Variants in NPLOC4 observed in about 807,000 individuals in gnomAD.
The protein encoded by NPLOC4 is NPL4 homolog, ubiquitin recognition factor, also known as nuclear protein localization protein 4 homolog.
Under a neutral mutation model 80.6 loss-of-function variants are expected in NPLOC4, and 18 were observed. The observed-to-expected ratio is 0.22, with a 90% CI of 0.15 to 0.33. The LOEUF (loss-of-function observed/expected upper bound fraction) is 0.33. NPLOC4 is among the 10% of genes least tolerant of loss of function. NPLOC4 has a pLI of 1.00. For missense variants in NPLOC4, 540 were observed against 786.1 expected, an observed-to-expected ratio of 0.69 and a Z score of 3.74; for synonymous variants, 313 against 301.5, an observed-to-expected ratio of 1.04 and a Z score of -0.39.
chr17:81,578,836 TA>T (rs1449340811), intron 12 of NPLOC4, among the ~76,000 whole-genome samples: 2 of 152,216 alleles, frequency 1.3e-5, no homozygotes, highest in African/African-American at 4.8e-5. Flanking sequence ...CAAAGGGTGC[TA>T]GGGGGCGTCC....
intron 1 of NPLOC4, among the ~76,000 whole-genome samples, chr17:81,634,059 G>A (rs904692062): frequency 3.3e-5 from 5 of 150,858 alleles, no homozygotes; most frequent in Non-Finnish European, 7.4e-5. Flanking sequence ...TTTAGTAGAC[G>A]TGGGGTTTCA....
At chr17:81,586,839 A>G (rs1164190565) in intron 12 of NPLOC4, among the ~76,000 whole-genome samples, 1 of 152,266 alleles carries the variant, frequency 6.6e-6, no homozygotes, top group Non-Finnish European at 1.5e-5. Flanking sequence ...GGAAGGATCA[A>G]CAATAGACGA....
chr17:81,565,658 G>C (rs1160621208), intron 15 of NPLOC4, 51 bp from the exon 16 acceptor site: 4 of 1,368,480 alleles, frequency 2.9e-6, no homozygotes, highest in Non-Finnish European at 4.0e-6. Flanking sequence ...AAGGTGAGCA[G>C]CTTCCTGCTA....
At chr17:81,591,879 C>T (rs900802562) in intron 11 of NPLOC4, among the ~76,000 whole-genome samples, 13 of 152,318 alleles carry the variant, frequency 8.5e-5, no homozygotes, top group East Asian at 5.8e-4. Context: ...AGATCCCCAG[C>T]AAGTAATTTT....
At chr17:81,635,590 C>T (rs985498976) in intron 1 of NPLOC4, among the ~76,000 whole-genome samples, 2 of 152,078 alleles carry the variant, frequency 1.3e-5, no homozygotes, top group Non-Finnish European at 2.9e-5. Context: ...AGTCCAGTGA[C>T]GCCACCTAGG....
intron 1 of NPLOC4, among the ~76,000 whole-genome samples, chr17:81,634,025 G>A (rs1195424335): frequency 3.3e-5 from 5 of 151,114 alleles, no homozygotes; most frequent in Non-Finnish European, 5.9e-5. Flanking sequence ...CACCACGCCC[G>A]GTTAATTTTT....
chr17:81,611,678 G>C (rs2035343457), intron 4 of NPLOC4, among the ~76,000 whole-genome samples: 1 of 151,862 alleles, frequency 6.6e-6, no homozygotes, highest in Non-Finnish European at 1.5e-5. Flanking sequence ...GTGTTAAATA[G>C]GCCAGGTGTG....
chr17:81,609,510 A>G (rs2035288218), intron 5 of NPLOC4, among the ~76,000 whole-genome samples: 1 of 152,080 alleles, frequency 6.6e-6, no homozygotes, highest in Admixed American at 6.6e-5. Context: ...GTATACAAAA[A>G]AAGAGTTGCC....
chr17:81,606,560 A>G (rs1399800853), intron 7 of NPLOC4, 131 bp downstream of exon 7: 2 of 939,200 alleles, frequency 2.1e-6, no homozygotes, highest in Non-Finnish European at 3.1e-6. Flanking sequence ...CAAAAGGATC[A>G]TTCAGTCCAT....
At chr17:81,593,950 G>GCACT (rs1568138298) in intron 11 of NPLOC4, among the ~76,000 whole-genome samples, 1 of 151,918 alleles carries the variant, frequency 6.6e-6, no homozygotes, top group African/African-American at 2.4e-5. Context: ...CTTCCCTTAA[G>GCACT]CACTCAACCC....
At chr17:81,576,648 TG>T (rs2034310664) in intron 12 of NPLOC4, among the ~76,000 whole-genome samples, 3 of 152,146 alleles carry the variant, frequency 2.0e-5, no homozygotes, top group African/African-American at 7.2e-5. Flanking sequence ...AACGAAAACC[TG>T]GCGTGTGTTT....
chr17:81,583,885 C>CA (rs908865382), intron 12 of NPLOC4, among the ~76,000 whole-genome samples: 7 of 151,966 alleles, frequency 4.6e-5, no homozygotes, highest in Admixed American at 4.6e-4. Flanking sequence ...AAGAAAATAA[C>CA]AAAAAAAATT....
intron 2 of NPLOC4, among the ~76,000 whole-genome samples, chr17:81,623,027 T>A (rs2035706247): frequency 6.6e-6 from 1 of 151,660 alleles, no homozygotes; most frequent in South Asian, 2.1e-4. Flanking sequence ...AATCCCCGTT[T>A]CTACTAAAAC....
At chr17:81,618,171 G>A (rs2035553758) in intron 3 of NPLOC4, among the ~76,000 whole-genome samples, 1 of 151,258 alleles carries the variant, frequency 6.6e-6, no homozygotes, top group Non-Finnish European at 1.5e-5. Flanking sequence ...TGGAAAGTGA[G>A]GAGCGTCTCT....
In NPLOC4 at chr17:81,567,366, T is replaced by C; in HGVS notation, c.1566+51A>G. ...AAAGAAAGCAAGACACAGGCGTCTC[T>C]TTGCAGCCAAAGCCCACTTGCTCAA... On this transcript the variant is annotated intron_variant, in intron 15 of 16. Coordinates refer to ENST00000331134, the MANE Select transcript of NPLOC4 (RefSeq NM_017921.4). The surrounding 1 kb of genome is among the most constrained non-coding windows in gnomAD (Gnocchi z 4.5). The C allele has an allele frequency of 1.8e-6, 2 of 1,138,658 alleles. No individual in the cohort carries two copies. The highest frequency in any genetic ancestry group is 2.6e-6 in the Non-Finnish European group (2 of 759,008). The allele number at this position is 1,138,658 out of a possible 1,614,324, so 70.5% of individuals were successfully genotyped here. A position where few individuals can be genotyped will look rare whatever the true frequency, so the allele number is the denominator to read the frequency against.
rs2034333250 is a variant in NPLOC4, at chr17:81,577,499, C to T, written c.1282-5411G>A. ...GAACCACAGCTTGGCTCATCTACTT[C>T]CGGGTTAGCTCAACGCACTCTTCTC... On this transcript the variant is annotated intron_variant, in intron 12 of 16. Coordinates refer to ENST00000331134, the MANE Select transcript of NPLOC4 (RefSeq NM_017921.4). The surrounding 1 kb of genome is among the most constrained non-coding windows in gnomAD (Gnocchi z 4.3). Among the ~76,000 whole-genome samples, 3 of 151,808 alleles carry T rather than the reference C, an allele frequency of 2.0e-5. No individual in the cohort carries two copies. In the South Asian group the frequency reaches 6.3e-4, roughly 32 times the overall value.
At chr17:81,609,173 C>G (rs890947547) in intron 5 of NPLOC4, among the ~76,000 whole-genome samples, 23 of 152,214 alleles carry the variant, frequency 1.5e-4, no homozygotes, top group African/African-American at 5.5e-4. Context: ...GTGCACGCCA[C>G]CACGCCCAGC....
At position 81,610,227 on chromosome 17, in the gene NPLOC4, G is replaced by A. The variant is rs767038840; in HGVS notation, c.418C>T (p.His140Tyr). Residue 140 changes from histidine (H) to tyrosine (Y), a missense_variant, in exon 5 of 17, where the codon CAC becomes TAC. Around this residue, in one of 6 missense-constraint regions of NPLOC4, gnomAD observed 74 missense variants for 75.7 expected, o/e 0.98. Transcript: ENST00000331134. Reference protein sequence around the residue: ...CRHGPLGKCVHCVPLEPFDED... With the variant: ...CRHGPLGKCVYCVPLEPFDED... ...ACTCTCACCTCTAGAGGGACGCAGT[G>A]CACGCATTTCCCCAAAGGGCCGTGG... The A allele has an allele frequency of 6.3e-7, 1 of 1,575,348 alleles. No individual in the cohort carries two copies. Among genetic ancestry groups the A allele is most frequent in the African/African-American group, 1.3e-5 (1 of 74,114 alleles).
At position 81,629,725 on chromosome 17, in the gene NPLOC4, C is replaced by T; in HGVS notation, c.96G>A (p.Lys32=). The T allele has an allele frequency of 6.2e-7, 1 of 1,611,694 alleles. No homozygotes were observed. The highest frequency in any genetic ancestry group is 8.5e-7 in the Non-Finnish European group (1 of 1,177,886). The change falls in exon 2 of 17, where the codon AAG becomes AAA. Residue 32 remains lysine (K), a splice_region_variant and synonymous_variant. Coordinates refer to ENST00000331134, the MANE Select transcript of NPLOC4 (RefSeq NM_017921.4). Reference sequence around the variant, plus strand: ...GGGTCAATACCCAGGCCACAGATACCTTTTTCAAAAATGTTGCTGCTGTTT... The same window carrying T: ...GGGTCAATACCCAGGCCACAGATACTTTTTTCAAAAATGTTGCTGCTGTTT... ...KRETAATFLK[K]VAKEFGFQNN...
Sources: allele counts gnomAD v4.1 joint callset (sites outside exome capture counted in the v4.1 genomes callset), GRCh38; gene constraint gnomAD v4.1.1; regional missense constraint gnomAD v4.1.1; non-coding constraint Gnocchi (gnomAD v3.1); transcripts MANE v1.5; gene names NCBI Gene and HGNC (gene_info 2026-07-23, HGNC 2026-07-21).